HGF: variants seen among roughly 807,000 people sequenced by gnomAD.
HGF encodes the protein hepatocyte growth factor.
HGF carries 39 observed loss-of-function variants against 111.6 expected under a neutral mutation model. The ratio of observed to expected loss-of-function variants is 0.35; its 90% CI spans 0.27 to 0.46. HGF has a LOEUF of 0.46. HGF is among the 20% of genes least tolerant of loss of function. The pLI is 1.00. For missense variants in HGF, 735 were observed against 910.5 expected, an observed-to-expected ratio of 0.81 and a Z score of 2.48; for synonymous variants, 285 against 294.8, an observed-to-expected ratio of 0.97 and a Z score of 0.34.
At chr7:81,718,984 A>C (rs575454482) in intron 10 of HGF, among the ~76,000 whole-genome samples, 6 of 152,306 alleles carry the variant, frequency 3.9e-5, no homozygotes, top group Non-Finnish European at 5.9e-5. Flanking sequence ...AAATCCTTTT[A>C]ATCCTCAGGA....
chr7:81,720,272 T>C (rs1427474705), intron 10 of HGF, among the ~76,000 whole-genome samples: 1 of 152,202 alleles, frequency 6.6e-6, no homozygotes, highest in African/African-American at 2.4e-5. Flanking sequence ...GTTTAGTATT[T>C]TAGAAATTTA....
chr7:81,738,655 T>C (rs905670564), intron 7 of HGF, among the ~76,000 whole-genome samples: 2 of 152,162 alleles, frequency 1.3e-5, no homozygotes, highest in African/African-American at 2.4e-5. Context: ...CATTTGTAGT[T>C]CAGCTTTTGA....
intron 9 of HGF, among the ~76,000 whole-genome samples, chr7:81,721,528 T>A (rs868765523): frequency 1.3e-5 from 2 of 152,190 alleles, no homozygotes; most frequent in Non-Finnish European, 2.9e-5. Flanking sequence ...TAACGAACAT[T>A]CATCTCCTAG....
At chr7:81,742,959 A>C in intron 7 of HGF, 1 of 1,611,978 alleles carries the variant, frequency 6.2e-7, no homozygotes, top group Non-Finnish European at 8.5e-7. Flanking sequence ...TCTGGGGAGG[A>C]AAGGTAGGTA....
At chr7:81,716,110 G>A (rs1789705889) in intron 11 of HGF, among the ~76,000 whole-genome samples, 1 of 152,078 alleles carries the variant, frequency 6.6e-6, no homozygotes, top group African/African-American at 2.4e-5. Flanking sequence ...GACATCAGTG[G>A]TTACCAGTGG....
chr7:81,729,883 C>A (rs1161027072), intron 7 of HGF, 104 bp from the exon 8 acceptor site: 6 of 936,942 alleles, frequency 6.4e-6, no homozygotes, highest in Non-Finnish European at 8.0e-6. Context: ...ATTTTTTTTT[C>A]TGTTACTTAT....
In HGF at chr7:81,753,330, A is replaced by T. The variant is rs146422121; in HGVS notation, c.483-1068T>A. The stretch of plus-strand genomic sequence containing the variant: ...AGAATATACATCTACAGGTAATACC[A>T]GTAAACATTTCTTTGAAAATCCAGT... On this transcript the variant is annotated intron_variant, in intron 4 of 17. Coordinates refer to ENST00000222390, the MANE Select transcript of HGF (RefSeq NM_000601.6). Among the ~76,000 whole-genome samples, 581 of 152,146 alleles carry T rather than the reference A, an allele frequency of 3.8e-3. 3 individuals carry two copies. The highest frequency in any genetic ancestry group is 7.0e-3 in the Non-Finnish European group (474 of 67,952).
chr7:81,714,571 G>A (rs2115827395), intron 11 of HGF, among the ~76,000 whole-genome samples: 2 of 152,110 alleles, frequency 1.3e-5, no homozygotes, highest in Non-Finnish European at 2.9e-5. Context: ...TACGCTCTTG[G>A]TAGTTAAGAT....
intron 11 of HGF, 25 bp downstream of exon 11, chr7:81,717,207 G>T: frequency 6.2e-7 from 1 of 1,607,786 alleles, no homozygotes; most frequent in Non-Finnish European, 8.5e-7. Flanking sequence ...TATTTCACAA[G>T]ACACCAATCC....
intron 7 of HGF, among the ~76,000 whole-genome samples, chr7:81,731,102 C>A (rs2115938344): frequency 6.6e-6 from 1 of 152,250 alleles, no homozygotes; most frequent in East Asian, 1.9e-4. Flanking sequence ...TGCTTTATTT[C>A]ATTGCATTCT....
At position 81,739,432 on chromosome 7, in the gene HGF, G is replaced by GGACA. The variant is rs140443772; in HGVS notation, c.865+3917_865+3920dup. Among the ~76,000 whole-genome samples, 1,500 of 152,074 alleles carry GGACA rather than the reference G, an allele frequency of 9.9e-3. 15 individuals carry two copies. The highest frequency in any genetic ancestry group is 0.033 in the African/African-American group (1,375 of 41,482). On this transcript the variant is annotated intron_variant, in intron 7 of 17. Coordinates refer to ENST00000222390, the MANE Select transcript of HGF (RefSeq NM_000601.6). ...TAAGAGAAAAATACACACATACAGT[G>GGACA]GACACATGCACGTATGTATACACAT...
Position 81,734,221 on chromosome 7 carries a change from G to A in HGF, c.866-4442C>T, listed in dbSNP as rs1247443674. 2.6e-5 allele frequency among the ~76,000 whole-genome samples: 4 copies of A among 152,126 alleles called. No individual in the cohort carries two copies. The East Asian group carries it at 7.7e-4, about 29-fold the overall frequency. On this transcript the variant is annotated intron_variant, in intron 7 of 17. Coordinates refer to ENST00000222390, the MANE Select transcript of HGF (RefSeq NM_000601.6). ...CATTGAAAATATCTGGAACTCTTCT[G>A]AGAGTTCCAACAAAGAAAACATTTT...
At chr7:81,705,074 G>GAAAAATGC (rs919285485) in intron 17 of HGF, among the ~76,000 whole-genome samples, 4 of 151,740 alleles carry the variant, frequency 2.6e-5, no homozygotes, top group African/African-American at 9.7e-5. Context: ...AAAAACATTA[G>GAAAAATGC]AAAAATGCAA....
In HGF at chr7:81,745,046, G is replaced by A. The variant is rs1224184344; in HGVS notation, c.700C>T (p.Arg234Cys). Residue 234 changes from arginine to cysteine, a missense_variant, in exon 6 of 18, where the codon CGC (arginine) becomes TGC (cysteine). Physicochemically the swap from Arg to Cys is radical, Grantham distance 180. This residue lies in a region of HGF where 553 missense variants were observed against 685.6 expected (regional missense o/e 0.81). Coordinates refer to ENST00000222390, the MANE Select transcript of HGF (RefSeq NM_000601.6). ...CGGTGTGGTGTCTGATGATCCCAGC[G>A]CTGACAAATCTTGCCTGATTCTGTA... ...DHTESGKICQ[R>C]WDHQTPHRHK... The A allele has an allele frequency of 3.1e-6, 5 of 1,613,786 alleles. No homozygotes were observed. The highest frequency in any genetic ancestry group is 2.7e-5 in the African/African-American group (2 of 74,884).
At chr7:81,729,579 G>T (rs1363485659) in intron 8 of HGF, 26 bp downstream of exon 8, 10 of 1,572,120 alleles carry the variant, frequency 6.4e-6, no homozygotes, top group Non-Finnish European at 8.8e-6. Context: ...CTACTGAAAT[G>T]TATAACATTT....
chr7:81,744,929 C>T (rs1788170104), intron 6 of HGF, 71 bp downstream of exon 6: 1 of 1,499,390 alleles, frequency 6.7e-7, no homozygotes. Flanking sequence ...AGAATTTCCA[C>T]AGCAGTGTGT....
chr7:81,762,920 T>TA, intron 1 of HGF, 48 bp from the exon 2 acceptor site: 2 of 1,107,948 alleles, frequency 1.8e-6, no homozygotes, highest in Non-Finnish European at 1.3e-6. Context: ...GAGAAATGTT[T>TA]TTAAGGCTCA....
At chr7:81,716,170 G>A (rs1789707960) in intron 11 of HGF, among the ~76,000 whole-genome samples, 1 of 152,124 alleles carries the variant, frequency 6.6e-6, no homozygotes, top group Non-Finnish European at 1.5e-5. Flanking sequence ...AGATAGTTTT[G>A]ATTGTCACGA....
intron 7 of HGF, chr7:81,743,004 C>A (rs1788071492): frequency 6.6e-7 from 1 of 1,510,592 alleles, no homozygotes; most frequent in East Asian, 2.3e-5. Context: ...GAACTAAGGT[C>A]CTAGCTTTTA....
Sources: gnomAD v4.1 joint callset for allele counts (sites outside exome capture counted in the v4.1 genomes callset) on GRCh38, gnomAD v4.1.1 for gene constraint, gnomAD v4.1.1 regional missense constraint, MANE v1.5 for transcripts, NCBI Gene and HGNC (gene_info 2026-07-23, HGNC 2026-07-21) for gene names.